The following CHMP3 variants were observed in gnomAD, a reference collection of about 807,000 sequenced individuals.
CHMP3 encodes charged multivesicular body protein 3, also known as 25.1 protein.
Under a neutral mutation model 27.4 loss-of-function variants are expected in CHMP3, and 8 were observed. That is an observed-to-expected ratio of 0.29 (90% confidence interval 0.17 to 0.53). The LOEUF is 0.53. Ranked by LOEUF, CHMP3 falls within the 20% of genes least tolerant of loss-of-function variation. The pLI is 0.96. For synonymous variants in CHMP3, 86 were observed against 85.5 expected (o/e 1.01, Z -0.03); for missense variants, 208 against 271.5 (o/e 0.77, Z 1.64).
chr2:86,523,641 C>T (rs900451172), intron 3 of CHMP3, among the ~76,000 whole-genome samples: 5 of 152,036 alleles, frequency 3.3e-5, no homozygotes, highest in African/African-American at 1.2e-4. Context: ...ACTCAGAAAG[C>T]GTATACTTAA....
At chr2:86,547,530 T>G (rs1056024759) in intron 1 of CHMP3, among the ~76,000 whole-genome samples, 1 of 152,092 alleles carries the variant, frequency 6.6e-6, no homozygotes, top group Non-Finnish European at 1.5e-5. Flanking sequence ...TACACAAAAG[T>G]CAACTGGGAA....
At chr2:86,560,496 G>C (rs553136288) in intron 1 of CHMP3, among the ~76,000 whole-genome samples, 20 of 152,140 alleles carry the variant, frequency 1.3e-4, no homozygotes, top group African/African-American at 4.6e-4. Context: ...ACTCATAAGT[G>C]GGAATTGAAC....
chr2:86,514,236 T>C (rs999161365), intron 3 of CHMP3, among the ~76,000 whole-genome samples: 1 of 152,340 alleles, frequency 6.6e-6, no homozygotes, highest in South Asian at 2.1e-4. Context: ...GAAAGAGGCC[T>C]AGTTCCACAA....
chr2:86,544,794 C>T (rs1158495487), intron 1 of CHMP3, among the ~76,000 whole-genome samples: 2 of 152,202 alleles, frequency 1.3e-5, no homozygotes, highest in Admixed American at 1.3e-4. Flanking sequence ...ACATTTGCCC[C>T]TTTTCTTTTT....
At chr2:86,553,778 T>TA (rs1232364776) in intron 1 of CHMP3, among the ~76,000 whole-genome samples, 1 of 152,238 alleles carries the variant, frequency 6.6e-6, no homozygotes, top group Non-Finnish European at 1.5e-5. Context: ...GTATTTTTGT[T>TA]ATACAGAATT....
chr2:86,536,057 G>A (rs11676605), intron 2 of CHMP3, among the ~76,000 whole-genome samples: 55,005 of 142,082 alleles, frequency 0.39, 12,513 homozygotes, highest in East Asian at 0.75. Flanking sequence ...GTGCAGTGGC[G>A]GGATCTCGGC....
chr2:86,514,049 G>A (rs1675201113), intron 3 of CHMP3, among the ~76,000 whole-genome samples: 2 of 152,238 alleles, frequency 1.3e-5, no homozygotes, highest in African/African-American at 4.8e-5. Flanking sequence ...TGCTACTGCT[G>A]AAGCAGTTTA....
rs575393197 is a variant in CHMP3, at chr2:86,542,654, T to A, written c.46-342A>T. ...CTTTAAGAGCATCAGAAAATTTTCA[T>A]CTTTCACAGGTAGTCATTTCAAAAA... On this transcript the variant is annotated intron_variant, in intron 1 of 5. Transcript: ENST00000263856. 1.4e-3 allele frequency: 272 copies of A among 189,954 alleles called. 1 individual carries two copies. Among genetic ancestry groups the A allele is most frequent in the African/African-American group, 5.9e-3 (252 of 42,756 alleles). The allele number at this position is 189,954 out of a possible 1,614,324, so 11.8% of individuals were successfully genotyped here.
intron 4 of CHMP3, among the ~76,000 whole-genome samples, chr2:86,509,286 T>A (rs1675002547): frequency 6.6e-6 from 1 of 152,192 alleles, no homozygotes; most frequent in Non-Finnish European, 1.5e-5. Flanking sequence ...AGATGAACAG[T>A]GATCACCAAC....
intron 1 of CHMP3, among the ~76,000 whole-genome samples, chr2:86,562,426 G>C (rs892511152): frequency 2.6e-5 from 4 of 152,324 alleles, no homozygotes; most frequent in South Asian, 2.1e-4. Flanking sequence ...CAAGCTCCCA[G>C]GTGATGTTGA....
At chr2:86,506,148 A>G (rs1674878496) in intron 5 of CHMP3, among the ~76,000 whole-genome samples, 199 bp from the exon 6 acceptor site, 1 of 152,214 alleles carries the variant, frequency 6.6e-6, no homozygotes, top group African/African-American at 2.4e-5. Flanking sequence ...AATAATTGTA[A>G]GGATTTTAAG....
At chr2:86,511,679 G>A (rs996529372) in intron 3 of CHMP3, 2 of 151,956 alleles carry the variant, frequency 1.3e-5, no homozygotes, top group South Asian at 2.1e-4. Context: ...ATGTCTACAT[G>A]AGCCTGTAGT....
intron 1 of CHMP3, among the ~76,000 whole-genome samples, chr2:86,562,478 T>G (rs1000922982): frequency 2.0e-5 from 3 of 152,196 alleles, no homozygotes; most frequent in African/African-American, 7.2e-5. Flanking sequence ...GTGCCGTATT[T>G]AAAGAATTAG....
intron 1 of CHMP3, among the ~76,000 whole-genome samples, chr2:86,560,219 C>G (rs549322840): frequency 1.6e-4 from 24 of 152,026 alleles, no homozygotes; most frequent in African/African-American, 4.6e-4. Context: ...GAGCTGAGAT[C>G]GCGCCACTGC....
chr2:86,520,693 C>T (rs1334552906), intron 3 of CHMP3, among the ~76,000 whole-genome samples: 1 of 152,182 alleles, frequency 6.6e-6, no homozygotes, highest in East Asian at 1.9e-4. Flanking sequence ...CCCAAAGATC[C>T]ATACCTTGCA....
chr2:86,559,706 G>A (rs1677270520), intron 1 of CHMP3, among the ~76,000 whole-genome samples: 1 of 152,168 alleles, frequency 6.6e-6, no homozygotes, highest in Non-Finnish European at 1.5e-5. Flanking sequence ...GAACTGAGGA[G>A]GAACTTGAAG....
At chr2:86,534,627 T>C (rs1345790145) in intron 2 of CHMP3, among the ~76,000 whole-genome samples, 1 of 152,262 alleles carries the variant, frequency 6.6e-6, no homozygotes, top group Non-Finnish European at 1.5e-5. Context: ...TTTTGCTGCA[T>C]ATGTTTTGAC....
chr2:86,531,060 A>G (rs1475914580), intron 2 of CHMP3, among the ~76,000 whole-genome samples: 2 of 152,212 alleles, frequency 1.3e-5, no homozygotes, highest in Non-Finnish European at 2.9e-5. Context: ...TGTTCTGTAT[A>G]TACTCTGAAT....
chr2:86,518,183 G>C (rs1390394915), intron 3 of CHMP3, among the ~76,000 whole-genome samples: 1 of 152,156 alleles, frequency 6.6e-6, no homozygotes, highest in Non-Finnish European at 1.5e-5. Context: ...AAAAACATTT[G>C]AGCCTCAAAA....
Sources: allele counts gnomAD v4.1 joint callset (sites outside exome capture counted in the v4.1 genomes callset), GRCh38; gene constraint gnomAD v4.1.1; transcripts MANE v1.5; gene names NCBI Gene and HGNC (gene_info 2026-07-23, HGNC 2026-07-21).